Variants in FBXL4 observed in about 807,000 individuals in gnomAD.
The protein encoded by FBXL4 is F-box/LRR-repeat protein 4.
Under a neutral mutation model 58.9 loss-of-function variants are expected in FBXL4, and 40 were observed. That is an observed-to-expected ratio of 0.68 (90% CI 0.53 to 0.88). The LOEUF is 0.88. Among genes scored for constraint, FBXL4 ranks in the 40% least tolerant of loss-of-function variants. The probability of loss-of-function intolerance (pLI) is 0.00; values close to 1 mark genes in which losing one functional copy is unlikely to be tolerated. For missense variants in FBXL4, 676 were observed against 734.4 expected (o/e 0.92, Z 0.92); for synonymous variants, 263 against 265.5 (o/e 0.99, Z 0.09).
chr6:98,883,754 A>G (rs1770933424), intron 7 of FBXL4, among the ~76,000 whole-genome samples: 1 of 150,356 alleles, frequency 6.7e-6, no homozygotes, highest in Admixed American at 6.7e-5. Context: ...TCACTGGTCT[A>G]TTTTCCATTC....
At chr6:98,936,506 C>A (rs1297702429) in intron 1 of FBXL4, among the ~76,000 whole-genome samples, 1 of 152,178 alleles carries the variant, frequency 6.6e-6, no homozygotes, top group African/African-American at 2.4e-5. Flanking sequence ...GCAAGACTGA[C>A]CCATCCTCTT....
chr6:98,889,678 CAA>C (rs34182678), intron 7 of FBXL4, among the ~76,000 whole-genome samples: 21 of 72,130 alleles, frequency 2.9e-4, no homozygotes, highest in African/African-American at 1.6e-4. Context: ...CACCCTGTCT[CAA>C]AAAAAAAAAA....
chr6:98,880,596 A>G lies in FBXL4; in HGVS notation c.1346T>C (p.Phe449Ser), dbSNP rs1317325730. 2 of 1,613,878 alleles carry G rather than the reference A, an allele frequency of 1.2e-6. No individual in the cohort carries two copies. The highest frequency in any genetic ancestry group is 1.7e-6 in the Non-Finnish European group (2 of 1,179,916). Residue 449 changes from phenylalanine (F) to serine (S), a missense_variant, in exon 8 of 10, where the codon TTC becomes TCC. Transcript: ENST00000369244. ...ACTGAGGTGCTGAAGCTCTGAACAG[A>G]AGTTCAAAATGCTGAGCAGTGCTGT... The part of the protein sequence containing the change: ...EQTALLSILN[F>S]CSELQHLSLG...
rs151324785 is a variant in FBXL4, at chr6:98,871,315, A to C, written c.*2963T>G. The C allele has an allele frequency of 2.0e-5, 3 of 152,354 alleles. No individual in the cohort carries two copies. In the East Asian group the frequency reaches 5.8e-4, roughly 29 times the overall value. 9.4% of individuals were successfully genotyped at this position (152,354 alleles called of 1,614,324 possible). A position where few individuals can be genotyped will look rare whatever the true frequency, so the allele number is the denominator to read the frequency against. ...CAACATCAACAGTCAATAAAAAACA[A>C]GGCAAATGACCCTGAGTGGTTTTCC... On this transcript the variant is annotated 3_prime_UTR_variant, in exon 10 of 10. Coordinates refer to ENST00000369244, the MANE Select transcript of FBXL4 (RefSeq NM_001278716.2).
intron 9 of FBXL4, 36 bp from the exon 10 acceptor site, chr6:98,874,477 ACCTT>A: frequency 3.8e-6 from 6 of 1,581,694 alleles, no homozygotes; most frequent in Non-Finnish European, 5.1e-6. Flanking sequence ...AAAACAAAAC[ACCTT>A]AAGTATAACA....
chr6:98,915,692 C>T (rs1374855844), intron 5 of FBXL4, among the ~76,000 whole-genome samples: 2 of 152,170 alleles, frequency 1.3e-5, no homozygotes, highest in Non-Finnish European at 2.9e-5. Context: ...AAGACATAAA[C>T]GTTAGACCTA....
intron 4 of FBXL4, among the ~76,000 whole-genome samples, chr6:98,923,030 T>C (rs1340786437): frequency 6.6e-6 from 1 of 152,138 alleles, no homozygotes; most frequent in Non-Finnish European, 1.5e-5. Context: ...GGGTTTACAC[T>C]TACAACCTTC....
intron 5 of FBXL4, among the ~76,000 whole-genome samples, chr6:98,909,432 A>G (rs1359125246): frequency 1.3e-5 from 2 of 152,114 alleles, no homozygotes; most frequent in Non-Finnish European, 2.9e-5. Flanking sequence ...GAAATACTGG[A>G]GTTTCCAAAC....
chr6:98,881,485 A>G (rs1030160667), intron 7 of FBXL4, among the ~76,000 whole-genome samples: 1 of 152,056 alleles, frequency 6.6e-6, no homozygotes, highest in Non-Finnish European at 1.5e-5. Context: ...AAATTAAGAT[A>G]TTATACAACT....
chr6:98,929,532 T>C (rs1373110162), intron 2 of FBXL4, among the ~76,000 whole-genome samples: 2 of 149,542 alleles, frequency 1.3e-5, no homozygotes, highest in Non-Finnish European at 3.0e-5. Context: ...GATCATGCCA[T>C]TGCACTCCAG....
rs1770420061 is a variant in FBXL4 at position 98,868,805 on chromosome 6, T to C, written c.*5473A>G. 6.6e-6 allele frequency: 1 copy of C among 152,180 alleles called. No individual in the cohort carries two copies. Among genetic ancestry groups the C allele is most frequent in the Non-Finnish European group, 1.5e-5 (1 of 68,028 alleles). 9.4% of individuals were successfully genotyped at this position (152,180 alleles called of 1,614,324 possible). On this transcript the variant is annotated 3_prime_UTR_variant, in exon 10 of 10. Coordinates refer to ENST00000369244, the MANE Select transcript of FBXL4 (RefSeq NM_001278716.2). ...TTTACCAAATACATAGATTAAAATA[T>C]CCCTAAATGTCAATTTTAGCAGGAC...
Position 98,930,347 on chromosome 6 carries a change from C to A in FBXL4, c.-190-2525G>T, listed in dbSNP as rs548735203. On this transcript the variant is annotated intron_variant, in intron 2 of 9. Transcript: ENST00000369244. ...AGGTGGGAGAATCACTTGAGCCCGC[C>A]GGGGCGGAAGTTGCAGTGAGCCGAG... Among the ~76,000 whole-genome samples the A allele has an allele frequency of 1.9e-4, 29 of 152,264 alleles. 1 individual carries two copies. Among genetic ancestry groups the A allele is most frequent in the Admixed American group, 1.6e-3 (25 of 15,292 alleles).
Position 98,868,538 on chromosome 6 carries a change from T to C in FBXL4, c.*5740A>G, listed in dbSNP as rs1770412189. On this transcript the variant is annotated 3_prime_UTR_variant, in exon 10 of 10. Coordinates refer to ENST00000369244, the MANE Select transcript of FBXL4 (RefSeq NM_001278716.2). ...ATGATCAATTTTGAAAGTGAACTAA[T>C]GAGATACTCAAACTTATTTTATTAC... The C allele has an allele frequency of 1.3e-5, 2 of 152,102 alleles. No homozygotes were observed. Among genetic ancestry groups the C allele is most frequent in the South Asian group, 4.1e-4 (2 of 4,824 alleles). The allele number at this position is 152,102 out of a possible 1,614,324, so 9.4% of individuals were successfully genotyped here.
At chr6:98,906,676 G>A (rs773656486) in intron 5 of FBXL4, among the ~76,000 whole-genome samples, 1 of 152,000 alleles carries the variant, frequency 6.6e-6, no homozygotes, top group Non-Finnish European at 1.5e-5. Flanking sequence ...TAATCCTTGG[G>A]GTATATACCC....
chr6:98,935,211 A>T (rs1039662742), intron 1 of FBXL4, among the ~76,000 whole-genome samples: 1 of 152,024 alleles, frequency 6.6e-6, no homozygotes, highest in Non-Finnish European at 1.5e-5. Context: ...AATATTTCAT[A>T]ATCAATCTTT....
intron 4 of FBXL4, among the ~76,000 whole-genome samples, chr6:98,921,564 C>A (rs1375546131): frequency 3.3e-5 from 5 of 152,008 alleles, no homozygotes; most frequent in Admixed American, 6.6e-5. Context: ...TAATTGGAAA[C>A]TAATAAACTA....
intron 2 of FBXL4, among the ~76,000 whole-genome samples, chr6:98,932,729 G>A (rs979121700): frequency 2.6e-5 from 4 of 152,114 alleles, no homozygotes; most frequent in African/African-American, 9.7e-5. Flanking sequence ...ACAGTGAGAT[G>A]AAAGAACCTG....
At position 98,871,381 on chromosome 6, in the gene FBXL4, A is replaced by G. The variant is rs1770486966; in HGVS notation, c.*2897T>C. The G allele has an allele frequency of 6.6e-6, 1 of 152,222 alleles. No homozygotes were observed. Among genetic ancestry groups the G allele is most frequent in the South Asian group, 2.1e-4 (1 of 4,832 alleles). 9.4% of individuals were successfully genotyped at this position (152,222 alleles called of 1,614,324 possible). Reference sequence around the variant, plus strand: ...TCAACAGATGTTACTGACACTGCCTAGTTATTGCTTATTTGATAAGTCAAT... The same window carrying G: ...TCAACAGATGTTACTGACACTGCCTGGTTATTGCTTATTTGATAAGTCAAT... On this transcript the variant is annotated 3_prime_UTR_variant, in exon 10 of 10. Transcript: ENST00000369244.
Position 98,871,216 on chromosome 6 carries a change from C to T in FBXL4, c.*3062G>A, listed in dbSNP as rs536905659. 6.6e-6 allele frequency: 1 copy of T among 152,232 alleles called. No homozygotes were observed. The highest frequency in any genetic ancestry group is 2.1e-4 in the South Asian group (1 of 4,816). 9.4% of individuals were successfully genotyped at this position (152,232 alleles called of 1,614,324 possible). On this transcript the variant is annotated 3_prime_UTR_variant, in exon 10 of 10. Transcript: ENST00000369244. ...GATTCTATCGGCTGAAGGACTGTGT[C>T]CAAAGTAAACTTAAGACTATTAAAT...
Sources: gnomAD v4.1 joint callset for allele counts (sites outside exome capture counted in the v4.1 genomes callset) on GRCh38, gnomAD v4.1.1 for gene constraint, MANE v1.5 for transcripts, NCBI Gene and HGNC (gene_info 2026-07-23, HGNC 2026-07-21) for gene names.